Variants in MCC observed in about 807,000 individuals in gnomAD.
MCC encodes the protein colorectal mutant cancer protein.
MCC carries 90 observed loss-of-function variants against 116.2 expected under a neutral mutation model. That is an observed-to-expected ratio of 0.77 (90% confidence interval 0.65 to 0.92). The LOEUF (loss-of-function observed/expected upper bound fraction) is 0.92. MCC is among the 40% of genes least tolerant of loss of function. MCC has a pLI of 0.00. For synonymous variants in MCC, 578 were observed against 510.5 expected (o/e 1.13, Z -1.78); for missense variants, 1,516 against 1,312.2 (o/e 1.16, Z -2.40).
intron 1 of MCC, among the ~76,000 whole-genome samples, chr5:113,430,768 G>A (rs1282612482): frequency 1.3e-5 from 2 of 152,184 alleles, no homozygotes; most frequent in African/African-American, 4.8e-5. Context: ...AGGTCAGAGT[G>A]TGCTAGTTGG....
At chr5:113,147,657 C>T (rs909392101) in intron 4 of MCC, among the ~76,000 whole-genome samples, 26 of 152,174 alleles carry the variant, frequency 1.7e-4, no homozygotes, top group African/African-American at 6.0e-4. Flanking sequence ...TATTTCCACC[C>T]TCACTCTAAG....
chr5:113,155,114 G>C (rs1277916811), intron 3 of MCC, among the ~76,000 whole-genome samples: 2 of 152,040 alleles, frequency 1.3e-5, no homozygotes, highest in African/African-American at 4.8e-5. Context: ...TTAGCTCCCA[G>C]TATGAGTAAG....
chr5:113,049,288 G>T lies in MCC; in HGVS notation c.2460C>A (p.Ala820=). Reference sequence around the variant, plus strand: ...GTAGGTAGAGCTGGGCCTTCAACTCGGCCATCTCCTCCTACAGACAAAGGA... The same window carrying T: ...GTAGGTAGAGCTGGGCCTTCAACTCTGCCATCTCCTCCTACAGACAAAGGA... The part of the protein sequence containing the change: ...QELMAMKEEM[A]ELKAQLYLLE... Residue 820 remains alanine, a synonymous_variant, in exon 16 of 19, where the codon GCC becomes GCA. Transcript: ENST00000408903. The T allele has an allele frequency of 6.3e-7, 1 of 1,596,132 alleles. No individual in the cohort carries two copies. Among genetic ancestry groups the T allele is most frequent in the Non-Finnish European group, 8.5e-7 (1 of 1,170,516 alleles).
chr5:113,126,965 T>C (rs1758090014), intron 5 of MCC, among the ~76,000 whole-genome samples: 1 of 152,186 alleles, frequency 6.6e-6, no homozygotes, highest in African/African-American at 2.4e-5. Flanking sequence ...GTACAGATTA[T>C]TTCATCACCC....
chr5:113,440,380 C>A (rs1770999071), intron 1 of MCC, among the ~76,000 whole-genome samples: 2 of 152,098 alleles, frequency 1.3e-5, no homozygotes, highest in African/African-American at 2.4e-5. Flanking sequence ...ACACCCTCCA[C>A]CCACCCCCAG....
Position 113,434,152 on chromosome 5 carries a change from CCTT to C in MCC, c.171-48943_171-48941del. 6.2e-7 allele frequency: 1 copy of C among 1,614,132 alleles called. No homozygotes were observed. The highest frequency in any genetic ancestry group is 8.5e-7 in the Non-Finnish European group (1 of 1,180,020). On this transcript the variant is annotated intron_variant, in intron 1 of 18. Transcript: ENST00000408903. This position sits in a 1 kb window ranked among gnomAD's most constrained non-coding sequence, Gnocchi z 4.2. Reference sequence around the variant, plus strand: ...GAGCGTGGGAAGTTGACGCGGTGCTCCTTCTGGATACGCAGCATCTTCTTGATG... The same window carrying C: ...GAGCGTGGGAAGTTGACGCGGTGCTCCTGGATACGCAGCATCTTCTTGATG...
intron 3 of MCC, among the ~76,000 whole-genome samples, chr5:113,235,775 T>C (rs1764105720): frequency 1.3e-5 from 2 of 152,224 alleles, no homozygotes; most frequent in Admixed American, 6.5e-5. Flanking sequence ...CCACTTTACA[T>C]TCCTCCAGGA....
intron 3 of MCC, among the ~76,000 whole-genome samples, chr5:113,276,805 A>ATTT (rs35658846): frequency 7.7e-6 from 1 of 129,110 alleles, no homozygotes; most frequent in Non-Finnish European, 1.6e-5. Flanking sequence ...TTTTCTTCTT[A>ATTT]TTTTTTTTTT....
intron 6 of MCC, among the ~76,000 whole-genome samples, chr5:113,113,832 A>G (rs918257915): frequency 2.0e-5 from 3 of 152,084 alleles, no homozygotes; most frequent in Non-Finnish European, 4.4e-5. Flanking sequence ...AGGAGAGTCA[A>G]AAGACATGAA....
chr5:113,343,770 G>A (rs947989040), intron 2 of MCC, among the ~76,000 whole-genome samples: 1 of 152,114 alleles, frequency 6.6e-6, no homozygotes, highest in African/African-American at 2.4e-5. Flanking sequence ...ATACAACATG[G>A]GAATTAAGTC....
chr5:113,474,010 G>C (rs1275483890), intron 1 of MCC, among the ~76,000 whole-genome samples: 1 of 152,134 alleles, frequency 6.6e-6, no homozygotes, highest in Admixed American at 6.5e-5. Context: ...TTAGTAGCAG[G>C]GGCACTGAAT....
At chr5:113,253,647 A>G (rs1250863154) in intron 3 of MCC, among the ~76,000 whole-genome samples, 8 of 152,222 alleles carry the variant, frequency 5.3e-5, no homozygotes, top group Admixed American at 5.2e-4. Flanking sequence ...TGGATAGGTA[A>G]GCAAGGATGA....
At chr5:113,087,377 G>C (rs985722147) in intron 8 of MCC, among the ~76,000 whole-genome samples, 1 of 152,146 alleles carries the variant, frequency 6.6e-6, no homozygotes, top group East Asian at 1.9e-4. Context: ...CCAGACACAG[G>C]GCTAAACTCA....
intron 7 of MCC, among the ~76,000 whole-genome samples, chr5:113,102,872 T>C (rs1267913062): frequency 1.3e-5 from 2 of 151,880 alleles, no homozygotes; most frequent in Admixed American, 6.5e-5. Context: ...ATCCCAGCAC[T>C]TGGGAGGCCC....
At chr5:113,478,574 G>C (rs543200163) in intron 1 of MCC, among the ~76,000 whole-genome samples, 1 of 152,256 alleles carries the variant, frequency 6.6e-6, no homozygotes, top group South Asian at 2.1e-4. Flanking sequence ...ATTCGGTTCT[G>C]TATGTGATAA....
In MCC at chr5:113,086,998, C is replaced by T. The variant is rs377688100; in HGVS notation, c.1399-1688G>A. 3.5e-4 allele frequency among the ~76,000 whole-genome samples: 53 copies of T among 152,296 alleles called. No homozygotes were observed. In the East Asian group the frequency reaches 8.5e-3, roughly 24 times the overall value. On this transcript the variant is annotated intron_variant, in intron 8 of 18. Transcript: ENST00000408903. ...GGGACCATACCTTGAATAGCACTCA[C>T]CTAAGGGACTTCCAAGGCCACAAAG...
intron 14 of MCC, 92 bp downstream of exon 14, chr5:113,063,892 A>G (rs1453253491): frequency 5.1e-6 from 7 of 1,369,208 alleles, no homozygotes; most frequent in East Asian, 2.5e-5. Flanking sequence ...CAAGCCACAC[A>G]GTCCCCAAGA....
chr5:113,445,557 C>T (rs1254228757), intron 1 of MCC, among the ~76,000 whole-genome samples: 2 of 152,052 alleles, frequency 1.3e-5, no homozygotes, highest in African/African-American at 2.4e-5. Context: ...AAGATCTCTA[C>T]AAGGAGCACT....
At chr5:113,458,487 C>T (rs775772076) in intron 1 of MCC, among the ~76,000 whole-genome samples, 23 of 152,108 alleles carry the variant, frequency 1.5e-4, no homozygotes, top group African/African-American at 5.6e-4. Context: ...TAACACTCAC[C>T]GCGAGGGTCC....
Sources: allele counts gnomAD v4.1 joint callset (sites outside exome capture counted in the v4.1 genomes callset), GRCh38; gene constraint gnomAD v4.1.1; non-coding constraint Gnocchi (gnomAD v3.1); transcripts MANE v1.5; gene names NCBI Gene and HGNC (gene_info 2026-07-23, HGNC 2026-07-21).